The following BBIP1 variants were observed in gnomAD, a reference collection of about 807,000 sequenced individuals.
The protein encoded by BBIP1 is BBSome-interacting protein 1.
In BBIP1, 6 loss-of-function variants were observed where a neutral mutation model predicts 8.9. The observed-to-expected ratio is 0.67, with a 90% CI of 0.37 to 1.33. BBIP1 has a LOEUF of 1.33. Ranked by LOEUF, BBIP1 falls within the 40% of genes most tolerant of loss-of-function variation. The pLI, the probability that BBIP1 is intolerant of heterozygous loss-of-function variation, is 0.02. For synonymous variants in BBIP1, 32 were observed against 33.4 expected (o/e 0.96, Z 0.14); for missense variants, 111 against 109.2 (o/e 1.02, Z -0.07).
chr10:110,918,143 T>C lies in BBIP1; in HGVS notation c.15A>G (p.Ala5=). Residue 5 remains alanine (A), a synonymous_variant, in exon 2 of 4, where the codon GCA becomes GCG. Transcript: ENST00000448814. ...TACCTGAAAGTTCTGGTCTTTTTGC[T>C]GCAGCTTTAAGCATCCAACCCGGTA... MLKA[A]AKRPELSGKN... The C allele has an allele frequency of 6.5e-7, 1 of 1,536,072 alleles. No homozygotes were observed. Among genetic ancestry groups the C allele is most frequent in the Non-Finnish European group, 8.7e-7 (1 of 1,146,838 alleles).
rs892861715 is a variant in BBIP1 at position 110,899,497 on chromosome 10, C to T, written c.*863G>A. On this transcript the variant is annotated 3_prime_UTR_variant, in exon 4 of 4. Transcript: ENST00000448814. Reference sequence around the variant, plus strand: ...CTGACTACAGAATAGGTGAGGGTTTCTTAAAAATGAGATTTAAGGGCTGGG... The same window carrying T: ...CTGACTACAGAATAGGTGAGGGTTTTTTAAAAATGAGATTTAAGGGCTGGG... The T allele has an allele frequency of 2.6e-5, 4 of 152,082 alleles. No homozygotes were observed. The highest frequency in any genetic ancestry group is 4.8e-5 in the African/African-American group (2 of 41,424). 9.4% of individuals were successfully genotyped at this position (152,082 alleles called of 1,614,324 possible).
intron 3 of BBIP1, 189 bp from the exon 4 acceptor site, chr10:110,900,715 G>T: frequency 1.9e-6 from 1 of 519,140 alleles, no homozygotes; most frequent in Non-Finnish European, 3.3e-6. Context: ...TTACTAGTAG[G>T]GTGCTTCTGA....
At chr10:110,909,916 A>G (rs1265100840) in intron 2 of BBIP1, among the ~76,000 whole-genome samples, 4 of 152,362 alleles carry the variant, frequency 2.6e-5, no homozygotes, top group South Asian at 2.1e-4. Context: ...CTAAATGTCT[A>G]TAATGTACCA....
chr10:110,918,041 A>C (rs1230518850), intron 2 of BBIP1, 80 bp downstream of exon 2: 2 of 1,280,158 alleles, frequency 1.6e-6, no homozygotes, highest in African/African-American at 2.9e-5. Context: ...GTAAGTACTA[A>C]GGAAGCAGAA....
intron 3 of BBIP1, chr10:110,901,202 C>G (rs1376236546): frequency 2.3e-6 from 1 of 426,266 alleles, no homozygotes; most frequent in South Asian, 1.9e-5. Flanking sequence ...AGGGCAGGAG[C>G]CCAGTAGTTC....
rs1364371424 is a variant in BBIP1, at chr10:110,900,070, TATAA to T, written c.*286_*289del. ...TATAAAAGATCCCAAGAATGTTATC[TATAA>T]AAGATAGCAATAGGAATGGTGAACA... On this transcript the variant is annotated 3_prime_UTR_variant, in exon 4 of 4. Coordinates refer to ENST00000448814, the MANE Select transcript of BBIP1 (RefSeq NM_001195305.3). 3.7e-6 allele frequency: 1 copy of T among 268,052 alleles called. No individual in the cohort carries two copies. The highest frequency in any genetic ancestry group is 6.9e-6 in the Non-Finnish European group (1 of 144,174). 16.6% of individuals were successfully genotyped at this position (268,052 alleles called of 1,614,324 possible). A position where few individuals can be genotyped will look rare whatever the true frequency, so the allele number is the denominator to read the frequency against.
chr10:110,907,834 G>A, intron 2 of BBIP1: 3 of 683,026 alleles, frequency 4.4e-6, no homozygotes, highest in Non-Finnish European at 7.9e-6. Context: ...AATTTGAGAA[G>A]CCCTGGGAAG....
chr10:110,911,398 G>C (rs1846272102), intron 2 of BBIP1: 1 of 151,988 alleles, frequency 6.6e-6, no homozygotes, highest in African/African-American at 2.4e-5. Flanking sequence ...CCTTTAGTTA[G>C]CCTAGTGGCT....
At chr10:110,918,417 A>C (rs990175605) in intron 1 of BBIP1, among the ~76,000 whole-genome samples, 3 of 152,212 alleles carry the variant, frequency 2.0e-5, no homozygotes, top group Admixed American at 1.3e-4. Flanking sequence ...CAGGGGAAAA[A>C]GATTGAGGTC....
At chr10:110,915,134 G>C (rs969589935) in intron 2 of BBIP1, among the ~76,000 whole-genome samples, 1 of 152,110 alleles carries the variant, frequency 6.6e-6, no homozygotes, top group Non-Finnish European at 1.5e-5. Flanking sequence ...TCAGAAATCA[G>C]AATTGCTGAA....
Position 110,899,452 on chromosome 10 carries a change from T to A in BBIP1, c.*908A>T, listed in dbSNP as rs993447482. 6.6e-6 allele frequency: 1 copy of A among 152,226 alleles called. No individual in the cohort carries two copies. The highest frequency in any genetic ancestry group is 6.5e-5 in the Admixed American group (1 of 15,284). The allele number at this position is 152,226 out of a possible 1,614,324, so 9.4% of individuals were successfully genotyped here. A position where few individuals can be genotyped will look rare whatever the true frequency, so the allele number is the denominator to read the frequency against. Reference sequence around the variant, plus strand: ...CATTTTATTCTCAAGTGCTTAAAATTAATGTAATTAAAAGCTTAGCTGACT... The same window carrying A: ...CATTTTATTCTCAAGTGCTTAAAATAAATGTAATTAAAAGCTTAGCTGACT... On this transcript the variant is annotated 3_prime_UTR_variant, in exon 4 of 4. Transcript: ENST00000448814.
intron 2 of BBIP1, chr10:110,905,044 G>C (rs1166431341): frequency 6.6e-6 from 1 of 152,178 alleles, no homozygotes; most frequent in Non-Finnish European, 1.5e-5. Flanking sequence ...ATTTCTCCCA[G>C]AGATAATAGT....
At chr10:110,907,515 G>GA (rs34559519) in intron 2 of BBIP1, 162,185 of 358,632 alleles carry the variant, frequency 0.45, 20,554 homozygotes, top group Admixed American at 0.52. Context: ...CTTGTCTCAA[G>GA]AAAAAAAAAA....
At chr10:110,909,876 A>G (rs1282657580) in intron 2 of BBIP1, among the ~76,000 whole-genome samples, 1 of 152,242 alleles carries the variant, frequency 6.6e-6, no homozygotes, top group East Asian at 1.9e-4. Flanking sequence ...AAGTACCTAT[A>G]CGAACAGATT....
chr10:110,900,150 G>A lies in BBIP1; in HGVS notation c.*210C>T, dbSNP rs1049891252. The A allele has an allele frequency of 2.3e-6, 1 of 443,848 alleles. No individual in the cohort carries two copies. Among genetic ancestry groups the A allele is most frequent in the Non-Finnish European group, 3.8e-6 (1 of 260,068 alleles). 27.5% of individuals were successfully genotyped at this position (443,848 alleles called of 1,614,324 possible). Reference sequence around the variant, plus strand: ...ACATGACTTAAACCCCATAAAACTTGGTTCATAGTTTAACTGTTTATGTTC... The same window carrying A: ...ACATGACTTAAACCCCATAAAACTTAGTTCATAGTTTAACTGTTTATGTTC... On this transcript the variant is annotated 3_prime_UTR_variant, in exon 4 of 4. Coordinates refer to ENST00000448814, the MANE Select transcript of BBIP1 (RefSeq NM_001195305.3).
intron 2 of BBIP1, among the ~76,000 whole-genome samples, chr10:110,908,824 G>A (rs572943117): frequency 2.0e-5 from 3 of 151,108 alleles, no homozygotes. Flanking sequence ...CGAGCAATCT[G>A]TCTGGAAACA....
chr10:110,917,912 A>T, intron 2 of BBIP1: 1 of 589,616 alleles, frequency 1.7e-6, no homozygotes, highest in Non-Finnish European at 3.0e-6. Context: ...GCTGGGAAGA[A>T]TCTGGAAACA....
At chr10:110,901,179 A>G in intron 3 of BBIP1, 2 of 439,240 alleles carry the variant, frequency 4.6e-6, no homozygotes, top group Admixed American at 5.2e-5. Flanking sequence ...TAGTACTAGC[A>G]AATCAGTAGG....
At chr10:110,912,327 C>T (rs952245278) in intron 2 of BBIP1, 7 of 151,964 alleles carry the variant, frequency 4.6e-5, no homozygotes, top group Admixed American at 2.0e-4. Context: ...CTTTCAAATC[C>T]TAAGCTTAAT....
Sources: gnomAD v4.1 joint callset for allele counts (sites outside exome capture counted in the v4.1 genomes callset) on GRCh38, gnomAD v4.1.1 for gene constraint, MANE v1.5 for transcripts, NCBI Gene and HGNC (gene_info 2026-07-23, HGNC 2026-07-21) for gene names.